The following VASP variants were observed in gnomAD, a reference collection of about 807,000 sequenced individuals.
VASP encodes the protein vasodilator-stimulated phosphoprotein.
In VASP, 27 loss-of-function variants were observed where a neutral mutation model predicts 54.4. The observed-to-expected ratio is 0.50, with a 90% confidence interval of 0.37 to 0.68. The LOEUF (loss-of-function observed/expected upper bound fraction) is 0.68, where lower values mean the gene tolerates loss of function less well. Ranked by LOEUF, VASP falls within the 30% of genes least tolerant of loss-of-function variation. The pLI, the probability that VASP is intolerant of heterozygous loss-of-function variation, is 0.00. For missense variants in VASP, 488 were observed against 528.3 expected (o/e 0.92, Z 0.75); for synonymous variants, 233 against 209.8 (o/e 1.11, Z -0.96).
rs1968956982 is a variant in VASP, at chr19:45,526,023, T to C, written c.1105+20T>C. ...TTGAAGGTGAGGTGGTTTGCTTTGG[T>C]TTTGTTCTTAAACATTTACTTATTT... is the stretch of plus-strand genomic sequence containing the variant. On this transcript the variant is annotated intron_variant, in intron 12 of 12. Coordinates refer to ENST00000245932, the MANE Select transcript of VASP (RefSeq NM_003370.4). 6.2e-7 allele frequency: 1 copy of C among 1,613,614 alleles called. No homozygotes were observed. The highest frequency in any genetic ancestry group is 1.7e-5 in the Admixed American group (1 of 59,776).
At chr19:45,525,908 G>T in intron 11 of VASP, 38 bp from the exon 12 acceptor site, 2 of 1,586,834 alleles carry the variant, frequency 1.3e-6, no homozygotes, top group Non-Finnish European at 1.7e-6. Flanking sequence ...GCAAGTCCCG[G>T]TACCCCCTCC....
At chr19:45,508,946 C>T (rs894113293) in intron 1 of VASP, among the ~76,000 whole-genome samples, 5 of 152,180 alleles carry the variant, frequency 3.3e-5, no homozygotes, top group Non-Finnish European at 7.4e-5. Flanking sequence ...CCCTGGCCCC[C>T]CATAATCTCT....
chr19:45,524,164 C>T, intron 10 of VASP, 22 bp downstream of exon 10: 2 of 1,612,548 alleles, frequency 1.2e-6, no homozygotes, highest in African/African-American at 1.3e-5. Flanking sequence ...GTCCTGGGGC[C>T]CTTGGGGAGG....
At chr19:45,521,290 T>C (rs757792474) in intron 3 of VASP, 32 bp from the exon 4 acceptor site, 1 of 1,541,490 alleles carries the variant, frequency 6.5e-7, no homozygotes, top group Non-Finnish European at 8.8e-7. Flanking sequence ...GTTCTGGGAC[T>C]GATCCATGGC....
chr19:45,526,142 T>C lies in VASP; in HGVS notation c.1108T>C (p.Phe370Leu). The C allele has an allele frequency of 6.2e-7, 1 of 1,613,810 alleles. No individual in the cohort carries two copies. The highest frequency in any genetic ancestry group is 1.7e-5 in the Admixed American group (1 of 59,846). Residue 370 changes from phenylalanine (F) to leucine (L), a missense_variant and splice_region_variant, in exon 13 of 13, where the codon TTC becomes CTC. Phe to Leu is a conservative substitution (Grantham distance 22, BLOSUM62 0). Transcript: ENST00000245932. ...CTCTGCTCCTTGTTTCCTTCCAGCC[T>C]TCGTCCAGGAGCTGAGGAAGCGGGG... ...QKVKEEIIEA[F>L]VQELRKRGSP
chr19:45,508,259 A>C (rs2122272411), intron 1 of VASP, among the ~76,000 whole-genome samples: 1 of 152,220 alleles, frequency 6.6e-6, no homozygotes, highest in Admixed American at 6.5e-5. Context: ...TGCTGGAAAA[A>C]GTCTCCCCAA....
chr19:45,525,434 C>T (rs535982368), intron 11 of VASP, among the ~76,000 whole-genome samples: 11 of 152,222 alleles, frequency 7.2e-5, no homozygotes, highest in African/African-American at 2.6e-4. Flanking sequence ...AATGGTGGCT[C>T]ACAGCCATAA....
Position 45,521,344 on chromosome 19 carries a change from A to G in VASP, c.366A>G (p.Pro122=), listed in dbSNP as rs1394412714. 6.3e-7 allele frequency: 1 copy of G among 1,581,700 alleles called. No homozygotes were observed. Among genetic ancestry groups the G allele is most frequent in the Non-Finnish European group, 8.6e-7 (1 of 1,163,954 alleles). Residue 122 remains proline (P), a synonymous_variant, in exon 4 of 13, where the codon CCA becomes CCG. Transcript: ENST00000245932. ...ALEGGGPPPP[P]ALPTWSVPNG... Reference sequence around the variant, plus strand: ...CAGGAGGTGGGCCCCCTCCACCCCCAGCACTTCCCACCTGGTCGGTCCCGA... The same window carrying G: ...CAGGAGGTGGGCCCCCTCCACCCCCGGCACTTCCCACCTGGTCGGTCCCGA...
chr19:45,524,670 GGGGGAAGTT>G lies in VASP; in HGVS notation c.1047+16_1047+24del. On this transcript the variant is annotated intron_variant, in intron 11 of 12. Transcript: ENST00000245932. ...ACAGAGGGTGAAACAGGTAACTTGG[GGGGGAAGTT>G]GGGGACCACAGCAAGAGAGATCTAG... 1.2e-6 allele frequency: 2 copies of G among 1,612,846 alleles called. No individual in the cohort carries two copies. The highest frequency in any genetic ancestry group is 1.7e-6 in the Non-Finnish European group (2 of 1,179,182).
chr19:45,522,437 G>A lies in VASP; in HGVS notation c.576G>A (p.Gly192=), dbSNP rs1219127635. Residue 192 remains glycine (G), a synonymous_variant, in exon 6 of 13, where the codon GGG becomes GGA. Coordinates refer to ENST00000245932, the MANE Select transcript of VASP (RefSeq NM_003370.4). ...PPPPPGLPPS[G]VPAAAHGAGG... Reference sequence around the variant, plus strand: ...CACCCCCAGGTTTGCCCCCTTCGGGGGTCCCAGCTGCAGCGCACGGAGCAG... The same window carrying A: ...CACCCCCAGGTTTGCCCCCTTCGGGAGTCCCAGCTGCAGCGCACGGAGCAG... The A allele has an allele frequency of 4.6e-6, 7 of 1,519,160 alleles. No individual in the cohort carries two copies. The South Asian group carries it at 9.0e-5, about 20-fold the overall frequency. 94.1% of individuals were successfully genotyped at this position (1,519,160 alleles called of 1,614,324 possible). A position where few individuals can be genotyped will look rare whatever the true frequency, so the allele number is the denominator to read the frequency against.
intron 1 of VASP, among the ~76,000 whole-genome samples, chr19:45,510,994 A>G (rs928189039): frequency 1.2e-4 from 18 of 152,120 alleles, no homozygotes; most frequent in Non-Finnish European, 2.4e-4. Context: ...AAAAGAAAAA[A>G]AAAAAGGAAC....
In VASP at chr19:45,516,341, G is replaced by A. The variant is rs550892452; in HGVS notation, c.6-1322G>A. Among the ~76,000 whole-genome samples the A allele has an allele frequency of 8.5e-5, 13 of 152,362 alleles. 1 individual carries two copies. The highest frequency in any genetic ancestry group is 5.9e-4 in the Admixed American group (9 of 15,308). On this transcript the variant is annotated intron_variant, in intron 1 of 12. Coordinates refer to ENST00000245932, the MANE Select transcript of VASP (RefSeq NM_003370.4). ...CCGCTAGTGCCCTGGGGAGCCAGGC[G>A]AGGGGTGGGCAGCGGGAAGTCCCTT...
intron 1 of VASP, among the ~76,000 whole-genome samples, chr19:45,516,983 CAA>C (rs112095290): frequency 1.4e-4 from 8 of 57,866 alleles, no homozygotes; most frequent in South Asian, 6.6e-4. Flanking sequence ...GACTCTGTCT[CAA>C]AAAAAAAAAA....
chr19:45,514,785 GA>G (rs2122298079), intron 1 of VASP, among the ~76,000 whole-genome samples: 1 of 152,282 alleles, frequency 6.6e-6, no homozygotes, highest in South Asian at 2.1e-4. Context: ...GGGGCAGCAG[GA>G]GCCAGAAACA....
chr19:45,521,358 G>C lies in VASP; in HGVS notation c.380G>C (p.Trp127Ser). Residue 127 changes from tryptophan to serine, a missense_variant, in exon 4 of 13, where the codon TGG becomes TCG. Transcript: ENST00000245932. ...GPPPPPALPT[W>S]SVPNGPSPEE... ...CCTCCACCCCCAGCACTTCCCACCTGGTCGGTCCCGAACGGCCCCTCCCCG... is the reference window on the plus strand; with the variant it reads ...CCTCCACCCCCAGCACTTCCCACCTCGTCGGTCCCGAACGGCCCCTCCCCG... The C allele has an allele frequency of 6.3e-7, 1 of 1,582,696 alleles. No homozygotes were observed. Among genetic ancestry groups the C allele is most frequent in the Non-Finnish European group, 8.6e-7 (1 of 1,164,452 alleles).
intron 1 of VASP, among the ~76,000 whole-genome samples, chr19:45,517,014 C>T (rs1045331129): frequency 1.0e-4 from 12 of 118,294 alleles, no homozygotes; most frequent in African/African-American, 2.6e-4. Context: ...AAAGATTAGT[C>T]GGGTGTGGTG....
Position 45,524,669 on chromosome 19 carries a change from G to C in VASP, c.1047+9G>C, listed in dbSNP as rs376686489. Reference sequence around the variant, plus strand: ...TACAGAGGGTGAAACAGGTAACTTGGGGGGGAAGTTGGGGACCACAGCAAG... The same window carrying C: ...TACAGAGGGTGAAACAGGTAACTTGCGGGGGAAGTTGGGGACCACAGCAAG... On this transcript the variant is annotated intron_variant, in intron 11 of 12. Coordinates refer to ENST00000245932, the MANE Select transcript of VASP (RefSeq NM_003370.4). 1.8e-4 allele frequency: 287 copies of C among 1,613,202 alleles called. No individual in the cohort carries two copies. The highest frequency in any genetic ancestry group is 2.3e-4 in the Non-Finnish European group (269 of 1,179,588).
intron 1 of VASP, among the ~76,000 whole-genome samples, chr19:45,511,331 G>A (rs915210021): frequency 3.3e-5 from 5 of 152,102 alleles, no homozygotes; most frequent in African/African-American, 7.2e-5. Context: ...CATGTGGAGC[G>A]TGTACCAAGT....
rs71173173 is a variant in VASP at position 45,513,468 on chromosome 19, C to CTTTTTTTTTTTTTTTTTTTTTTTT, written c.6-4174_6-4173insTTTTTTTTTTTTTTTTTTTTTTTT. On this transcript the variant is annotated intron_variant, in intron 1 of 12. Coordinates refer to ENST00000245932, the MANE Select transcript of VASP (RefSeq NM_003370.4). ...CATCTTGCCCAAGCTAGTCTCTCTC[C>CTTTTTTTTTTTTTTTTTTTTTTTT]TTTTTTTTTTTTTTTTTTTTTGAGA... 1.7e-4 allele frequency among the ~76,000 whole-genome samples: 16 copies of CTTTTTTTTTTTTTTTTTTTTTTTT among 92,784 alleles called. 1 individual carries two copies. The highest frequency in any genetic ancestry group is 3.2e-4 in the East Asian group (1 of 3,100). 60.9% of individuals were successfully genotyped at this position (92,784 alleles called of 152,430 possible).
Sources: allele counts gnomAD v4.1 joint callset (sites outside exome capture counted in the v4.1 genomes callset), GRCh38; gene constraint gnomAD v4.1.1; transcripts MANE v1.5; gene names NCBI Gene and HGNC (gene_info 2026-07-23, HGNC 2026-07-21).